NCKAP5: variants seen among roughly 807,000 people sequenced by gnomAD.
NCKAP5 encodes nck-associated protein 5.
In NCKAP5, 92 loss-of-function variants were observed where a neutral mutation model predicts 167.0. The ratio of observed to expected loss-of-function variants is 0.55; its 90% CI spans 0.47 to 0.66. NCKAP5 has a LOEUF of 0.66. Among genes scored for constraint, NCKAP5 ranks in the 30% least tolerant of loss-of-function variants. The probability of loss-of-function intolerance (pLI) is 0.00; values close to 1 mark genes in which losing one functional copy is unlikely to be tolerated. For synonymous variants in NCKAP5, 891 were observed against 877.4 expected (o/e 1.02, Z -0.27); for missense variants, 2,378 against 2,315.0 (o/e 1.03, Z -0.56).
At chr2:133,444,304 G>C (rs1026167640) in intron 3 of NCKAP5, among the ~76,000 whole-genome samples, 1 of 151,512 alleles carries the variant, frequency 6.6e-6, no homozygotes, top group African/African-American at 2.4e-5. Flanking sequence ...CTAACATAGG[G>C]GGCCCAGAAA....
chr2:132,787,552 T>A (rs140295033), intron 13 of NCKAP5, among the ~76,000 whole-genome samples: 1 of 152,252 alleles, frequency 6.6e-6, no homozygotes, highest in African/African-American at 2.4e-5. Flanking sequence ...TTTGCTCACA[T>A]CTATGGCATT....
At chr2:133,425,348 T>C (rs960693179) in intron 3 of NCKAP5, among the ~76,000 whole-genome samples, 13 of 152,176 alleles carry the variant, frequency 8.5e-5, no homozygotes, top group Admixed American at 5.9e-4. Flanking sequence ...TATTTGAACA[T>C]AGGAGTCTGA....
At chr2:133,107,805 C>A (rs2081762640) in intron 6 of NCKAP5, among the ~76,000 whole-genome samples, 1 of 152,178 alleles carries the variant, frequency 6.6e-6, no homozygotes, top group South Asian at 2.1e-4. Flanking sequence ...ATTTCACCAT[C>A]GTCTTATTTC....
At chr2:133,115,312 A>G (rs1481786488) in intron 6 of NCKAP5, among the ~76,000 whole-genome samples, 1 of 152,134 alleles carries the variant, frequency 6.6e-6, no homozygotes, top group Non-Finnish European at 1.5e-5. Flanking sequence ...GACAAAAACA[A>G]TACTACCTCT....
intron 3 of NCKAP5, among the ~76,000 whole-genome samples, chr2:133,401,588 G>A (rs937726797): frequency 6.6e-6 from 1 of 152,172 alleles, no homozygotes; most frequent in African/African-American, 2.4e-5. Context: ...ACTGGTCATG[G>A]GTGTGTGAAA....
Position 132,785,665 on chromosome 2 carries a change from A to G in NCKAP5, c.1146T>C (p.Ser382=). The G allele has an allele frequency of 2.0e-6, 3 of 1,514,694 alleles. No individual in the cohort carries two copies. The highest frequency in any genetic ancestry group is 2.6e-6 in the Non-Finnish European group (3 of 1,133,858). 93.8% of individuals were successfully genotyped at this position (1,514,694 alleles called of 1,614,324 possible). The change falls in exon 14 of 20, where the codon AGT becomes AGC. Residue 382 remains serine (S), a synonymous_variant. Transcript: ENST00000409261. ...KRLSIDSSLP[S]GFASPTNELP... ...GTTCATTTGTAGGACTAGCAAAGCC[A>G]CTTGGGAGCGAAGAATCAATACTTA...
intron 8 of NCKAP5, among the ~76,000 whole-genome samples, chr2:132,933,984 C>T (rs1005379658): frequency 6.6e-6 from 1 of 152,164 alleles, no homozygotes; most frequent in Non-Finnish European, 1.5e-5. Context: ...TGAAAGGGGG[C>T]TTTTTGCCCA....
At chr2:132,683,492 C>T (rs1339940944) in intron 19 of NCKAP5, among the ~76,000 whole-genome samples, 8 of 152,172 alleles carry the variant, frequency 5.3e-5, no homozygotes, top group Admixed American at 4.6e-4. Context: ...TCTCCTGCAC[C>T]TCTAGGTAGG....
chr2:133,291,589 A>G (rs1679604465), intron 4 of NCKAP5, among the ~76,000 whole-genome samples: 1 of 152,218 alleles, frequency 6.6e-6, no homozygotes, highest in African/African-American at 2.4e-5. Flanking sequence ...GTGAACGTCT[A>G]GAATAACTGC....
chr2:133,447,405 T>TTTCC (rs774184332), intron 3 of NCKAP5, among the ~76,000 whole-genome samples: 6 of 151,880 alleles, frequency 4.0e-5, no homozygotes, highest in African/African-American at 4.8e-5. Context: ...TCTCCGTCTT[T>TTTCC]TTCCTTCCTT....
intron 5 of NCKAP5, among the ~76,000 whole-genome samples, chr2:133,189,077 A>G (rs1359186057): frequency 3.3e-5 from 5 of 152,148 alleles, no homozygotes. Flanking sequence ...AATCAAATAG[A>G]CACAATAAAA....
the NCKAP5 span, among the ~76,000 whole-genome samples, chr2:133,635,199 A>G: frequency 6.6e-6 from 1 of 152,142 alleles, no homozygotes; most frequent in Non-Finnish European, 1.5e-5. Flanking sequence ...AAGTCTGGCA[A>G]CTGCATGCAG....
chr2:132,901,200 A>G (rs1179938410), intron 8 of NCKAP5, among the ~76,000 whole-genome samples: 3 of 152,178 alleles, frequency 2.0e-5, no homozygotes, highest in Non-Finnish European at 4.4e-5. Context: ...ATTGGGAGAG[A>G]CAAACTTTGC....
chr2:133,522,416 T>C (rs945421034), intron 2 of NCKAP5, among the ~76,000 whole-genome samples: 1 of 152,198 alleles, frequency 6.6e-6, no homozygotes, highest in Non-Finnish European at 1.5e-5. Flanking sequence ...GGAGATGCCT[T>C]TGGAAAGGCA....
chr2:132,825,261 C>T (rs991126622), intron 11 of NCKAP5, among the ~76,000 whole-genome samples: 2 of 152,142 alleles, frequency 1.3e-5, no homozygotes, highest in African/African-American at 4.8e-5. Context: ...ATAGCATGTT[C>T]AAGGTAAGCC....
At chr2:133,539,050 C>T (rs1170052807) in intron 2 of NCKAP5, among the ~76,000 whole-genome samples, 3 of 149,638 alleles carry the variant, frequency 2.0e-5, no homozygotes, top group Non-Finnish European at 4.4e-5. Flanking sequence ...ACGCCATTCT[C>T]CTGCCTCAGC....
chr2:133,237,286 T>C (rs1372062845), intron 4 of NCKAP5, among the ~76,000 whole-genome samples: 1 of 152,198 alleles, frequency 6.6e-6, no homozygotes, highest in Non-Finnish European at 1.5e-5. Flanking sequence ...CCTTGCTTGA[T>C]GGAGTTAAGA....
chr2:133,362,089 G>A (rs1347827199), intron 3 of NCKAP5, among the ~76,000 whole-genome samples: 1 of 152,154 alleles, frequency 6.6e-6, no homozygotes, highest in Non-Finnish European at 1.5e-5. Context: ...GGAGTGTTAG[G>A]TTAAGGCTGT....
In NCKAP5 at chr2:133,310,245, G is replaced by A. The variant is rs903722580; in HGVS notation, c.70-7135C>T. 7.9e-5 allele frequency among the ~76,000 whole-genome samples: 12 copies of A among 152,132 alleles called. 1 individual carries two copies. Among genetic ancestry groups the A allele is most frequent in the Admixed American group, 2.0e-4 (3 of 15,268 alleles). On this transcript the variant is annotated intron_variant, in intron 3 of 19. Transcript: ENST00000409261. The stretch of plus-strand genomic sequence containing the variant: ...CATCTGTACCAATATAAATTCTTCC[G>A]AGGAGACTTTTTTAAATGTTAAACA...
Sources: allele counts gnomAD v4.1 joint callset (sites outside exome capture counted in the v4.1 genomes callset), GRCh38; gene constraint gnomAD v4.1.1; transcripts MANE v1.5; gene names NCBI Gene and HGNC (gene_info 2026-07-23, HGNC 2026-07-21).